The following CD84 variants were observed in gnomAD, a reference collection of about 807,000 sequenced individuals.
The protein encoded by CD84 is CD84 molecule.
CD84 carries 22 observed loss-of-function variants against 33.8 expected under a neutral mutation model. The observed-to-expected ratio is 0.65, with a 90% CI of 0.46 to 0.93. The LOEUF (loss-of-function observed/expected upper bound fraction) is 0.93. Ranked by LOEUF, CD84 falls within the 40% of genes least tolerant of loss-of-function variation. CD84 has a pLI of 0.00. For missense variants in CD84, 400 were observed against 397.6 expected (o/e 1.01, Z -0.05); for synonymous variants, 154 against 145.2 (o/e 1.06, Z -0.44).
At chr1:160,555,081 CTTT>C (rs35518975) in intron 2 of CD84, among the ~76,000 whole-genome samples, 11 of 138,488 alleles carry the variant, frequency 7.9e-5, no homozygotes, top group Admixed American at 7.3e-5. Context: ...ATGAAATAAT[CTTT>C]TTTTTTTTTT....
At position 160,546,137 on chromosome 1, in the gene CD84, T is replaced by A. The variant is rs1280701637; in HGVS notation, c.*2119A>T. The A allele has an allele frequency of 6.6e-6, 1 of 152,222 alleles. No homozygotes were observed. Among genetic ancestry groups the A allele is most frequent in the Non-Finnish European group, 1.5e-5 (1 of 68,142 alleles). 9.4% of individuals were successfully genotyped at this position (152,222 alleles called of 1,614,324 possible). ...CAGAGTAGCTGGGACTACAGATGTG[T>A]GCCACCACACCTGGCTAATTTCGTA... On this transcript the variant is annotated 3_prime_UTR_variant, in exon 7 of 7. Transcript: ENST00000368054.
chr1:160,553,335 GAGA>G, intron 4 of CD84, 40 bp downstream of exon 4: 1 of 1,614,042 alleles, frequency 6.2e-7, no homozygotes, highest in East Asian at 2.2e-5. Flanking sequence ...CCCAGGAGGA[GAGA>G]AGGTGAGTTT....
intron 1 of CD84, among the ~76,000 whole-genome samples, chr1:160,575,862 G>T (rs1203181633): frequency 6.6e-6 from 1 of 152,162 alleles, no homozygotes; most frequent in Non-Finnish European, 1.5e-5. Flanking sequence ...TGATCTCCAG[G>T]ACTGCTTCAA....
At chr1:160,575,606 A>G (rs2102212507) in intron 1 of CD84, among the ~76,000 whole-genome samples, 1 of 152,260 alleles carries the variant, frequency 6.6e-6, no homozygotes, top group South Asian at 2.1e-4. Flanking sequence ...AACACTGAGT[A>G]TAACAAAGGA....
At chr1:160,578,530 A>T (rs1215760804) in intron 1 of CD84, among the ~76,000 whole-genome samples, 1 of 152,150 alleles carries the variant, frequency 6.6e-6, no homozygotes, top group Non-Finnish European at 1.5e-5. Flanking sequence ...CAGGGTTCTA[A>T]CTCATGCCAG....
intron 3 of CD84, 44 bp downstream of exon 3, chr1:160,553,851 G>T: frequency 6.2e-7 from 1 of 1,613,930 alleles, no homozygotes; most frequent in South Asian, 1.1e-5. Flanking sequence ...GCTCCTCAGA[G>T]TGATCTCTGA....
Position 160,542,542 on chromosome 1 carries a change from G to A in CD84, c.*5714C>T, listed in dbSNP as rs1181553645. On this transcript the variant is annotated 3_prime_UTR_variant, in exon 7 of 7. Transcript: ENST00000368054. ...GATTATGAGCATTTAAAAATTCTCT[G>A]ATGAATAATCTATGTAATTATTTGC... The A allele has an allele frequency of 1.3e-5, 2 of 152,150 alleles. No individual in the cohort carries two copies. The highest frequency in any genetic ancestry group is 2.9e-5 in the Non-Finnish European group (2 of 68,024). 9.4% of individuals were successfully genotyped at this position (152,150 alleles called of 1,614,324 possible).
At chr1:160,558,010 G>T (rs1014984875) in intron 2 of CD84, among the ~76,000 whole-genome samples, 4 of 152,226 alleles carry the variant, frequency 2.6e-5, no homozygotes, top group African/African-American at 9.6e-5. Flanking sequence ...ATGGGGAGGG[G>T]CGGCCACCAT....
chr1:160,552,992 T>G (rs1367257906), intron 4 of CD84: 2 of 574,354 alleles, frequency 3.5e-6, no homozygotes, highest in Non-Finnish European at 6.2e-6. Flanking sequence ...TCTCAATGAC[T>G]CTCCAATAGT....
intron 2 of CD84, among the ~76,000 whole-genome samples, chr1:160,559,025 TG>T (rs1315556506): frequency 6.6e-6 from 1 of 152,130 alleles, no homozygotes; most frequent in Non-Finnish European, 1.5e-5. Flanking sequence ...CTGAAAGAGA[TG>T]GGGAGAATGG....
rs550012617 is a variant in CD84 at position 160,548,184 on chromosome 1, T to A, written c.*72A>T. On this transcript the variant is annotated 3_prime_UTR_variant, in exon 7 of 7. Coordinates refer to ENST00000368054, the MANE Select transcript of CD84 (RefSeq NM_003874.4). ...CCCAGTAAGAGTTGGGCAGAGAAGA[T>A]CTGGATCCAGGGAACCTGCCAGTAT... The A allele has an allele frequency of 5.2e-5, 78 of 1,511,484 alleles. No homozygotes were observed. The South Asian group carries it at 8.3e-4, about 16-fold the overall frequency. 93.6% of individuals were successfully genotyped at this position (1,511,484 alleles called of 1,614,324 possible). A position where few individuals can be genotyped will look rare whatever the true frequency, so the allele number is the denominator to read the frequency against.
chr1:160,557,542 G>A (rs74124866), intron 2 of CD84, among the ~76,000 whole-genome samples: 7,582 of 152,230 alleles, frequency 0.05, 643 homozygotes, highest in African/African-American at 0.17. Flanking sequence ...TCTGCAATGA[G>A]GCAGATGAAC....
intron 1 of CD84, among the ~76,000 whole-genome samples, chr1:160,575,198 C>T (rs1323498960): frequency 1.3e-5 from 2 of 152,166 alleles, no homozygotes; most frequent in South Asian, 2.1e-4. Context: ...TGGAACATCG[C>T]TGAGTATTGT....
At chr1:160,566,693 G>C (rs566588408) in intron 1 of CD84, among the ~76,000 whole-genome samples, 5 of 152,142 alleles carry the variant, frequency 3.3e-5, no homozygotes, top group Non-Finnish European at 2.9e-5. Context: ...AGAAACAAAT[G>C]GATAGGCACA....
At chr1:160,573,903 C>T (rs1277968798) in intron 1 of CD84, among the ~76,000 whole-genome samples, 2 of 151,856 alleles carry the variant, frequency 1.3e-5, no homozygotes, top group Non-Finnish European at 2.9e-5. Context: ...CTGGGAAACA[C>T]AATGAGATCC....
In CD84 at chr1:160,554,010, A is replaced by G. The variant is rs763422315; in HGVS notation, c.525T>C (p.Gly175=). 6.2e-7 allele frequency: 1 copy of G among 1,614,112 alleles called. No homozygotes were observed. Among genetic ancestry groups the G allele is most frequent in the Admixed American group, 1.7e-5 (1 of 60,022 alleles). The change falls in exon 3 of 7, where the codon GGT becomes GGC. Residue 175 remains glycine, a synonymous_variant. Coordinates refer to ENST00000368054, the MANE Select transcript of CD84 (RefSeq NM_003874.4). ...GAGTCTGGAAGATTTGAAGGACATT[A>G]CCCTCTTCTCCCAGGGGACTCCAAT... ...TYNWSPLGEE[G]NVLQIFQTPE...
intron 1 of CD84, among the ~76,000 whole-genome samples, chr1:160,567,959 C>G (rs1490548180): frequency 6.6e-6 from 1 of 152,112 alleles, no homozygotes; most frequent in Admixed American, 6.6e-5. Flanking sequence ...CCTTTAAATT[C>G]TACATACTAT....
chr1:160,556,875 A>G (rs1656645820), intron 2 of CD84, among the ~76,000 whole-genome samples: 1 of 152,214 alleles, frequency 6.6e-6, no homozygotes. Flanking sequence ...ATATCTTAAA[A>G]TTGAATACCA....
rs1233272949 is a variant in CD84, at chr1:160,557,299, C to T, written c.389-3153G>A. ...ACTGATTCAATCATCTTATATTAAT[C>T]GAACATTCACAATTGCTAAGCACTG... On this transcript the variant is annotated intron_variant, in intron 2 of 6. Coordinates refer to ENST00000368054, the MANE Select transcript of CD84 (RefSeq NM_003874.4). Among the ~76,000 whole-genome samples the T allele has an allele frequency of 3.9e-5, 6 of 152,302 alleles. No individual in the cohort carries two copies. The Middle Eastern group carries it at 0.01, about 259-fold the overall frequency.
Sources: allele counts gnomAD v4.1 joint callset (sites outside exome capture counted in the v4.1 genomes callset), GRCh38; gene constraint gnomAD v4.1.1; transcripts MANE v1.5; gene names NCBI Gene and HGNC (gene_info 2026-07-23, HGNC 2026-07-21).